The following MYO1E variants were observed in gnomAD, a reference collection of about 807,000 sequenced individuals.
MYO1E encodes the protein myosin IE.
A neutral mutation model predicts 151.1 loss-of-function variants in MYO1E; 68 were observed. That is an observed-to-expected ratio of 0.45 (90% CI 0.37 to 0.55). The LOEUF (loss-of-function observed/expected upper bound fraction) is 0.55, where lower values mean the gene tolerates loss of function less well. Among genes scored for constraint, MYO1E ranks in the 20% least tolerant of loss-of-function variants. MYO1E has a pLI of 0.00. For missense variants in MYO1E, 1,363 were observed against 1,389.3 expected, an observed-to-expected ratio of 0.98 and a Z score of 0.30; for synonymous variants, 601 against 501.7, an observed-to-expected ratio of 1.20 and a Z score of -2.64.
chr15:59,214,774 G>C, intron 10 of MYO1E, 54 bp from the exon 11 acceptor site: 1 of 1,391,810 alleles, frequency 7.2e-7, no homozygotes, highest in Non-Finnish European at 1.0e-6. Context: ...TACTAAAAAC[G>C]GGCATGCACT....
intron 27 of MYO1E, 136 bp downstream of exon 27, chr15:59,138,062 G>C: frequency 9.6e-7 from 1 of 1,040,218 alleles, no homozygotes; most frequent in Admixed American, 1.7e-5. Flanking sequence ...ATCAGACTGA[G>C]CCTGAGGCCT....
chr15:59,181,136 T>C (rs2079656141), intron 18 of MYO1E, among the ~76,000 whole-genome samples: 1 of 152,172 alleles, frequency 6.6e-6, no homozygotes, highest in Non-Finnish European at 1.5e-5. Flanking sequence ...CACCACTCCG[T>C]GCTTTCCTGG....
chr15:59,176,458 T>G (rs1490650831), intron 19 of MYO1E, among the ~76,000 whole-genome samples: 16 of 150,520 alleles, frequency 1.1e-4, no homozygotes, highest in Non-Finnish European at 4.4e-5. Context: ...CCTTTTTTTT[T>G]TTTTTTTCTT....
intron 16 of MYO1E, among the ~76,000 whole-genome samples, chr15:59,198,341 G>C (rs1384690316): frequency 6.6e-6 from 1 of 152,190 alleles, no homozygotes; most frequent in South Asian, 2.1e-4. Flanking sequence ...CAGGGTGAAA[G>C]CTCCTCATTC....
intron 22 of MYO1E, among the ~76,000 whole-genome samples, chr15:59,170,574 G>A (rs2079587026): frequency 6.6e-6 from 1 of 151,600 alleles, no homozygotes; most frequent in African/African-American, 2.4e-5. Flanking sequence ...AAATCAGTCA[G>A]CGCCTAGAGC....
chr15:59,279,998 TAATGGATGTGAAAGTCTTGCTAAG>T (rs2080343844), intron 1 of MYO1E, among the ~76,000 whole-genome samples: 1 of 152,176 alleles, frequency 6.6e-6, no homozygotes. Context: ...TCAAATAAGA[TAATGGATGTGAAAGTCTTGCTAAG>T]CAGAATGAAA....
chr15:59,372,527 C>A lies in MYO1E; in HGVS notation c.-27G>T. ...GTGACTCGCGCCGCGGTCGCGTCTT[C>A]GCCGGGTCCCGCTGCCGGGGAACTG... On this transcript the variant is annotated 5_prime_UTR_variant, in exon 1 of 28. Transcript: ENST00000288235. The A allele has an allele frequency of 2.0e-6, 3 of 1,535,318 alleles. No individual in the cohort carries two copies. The highest frequency in any genetic ancestry group is 2.6e-6 in the Non-Finnish European group (3 of 1,140,606).
intron 1 of MYO1E, among the ~76,000 whole-genome samples, chr15:59,293,182 T>C (rs1282047874): frequency 6.6e-6 from 1 of 152,196 alleles, no homozygotes; most frequent in Admixed American, 6.5e-5. Context: ...ATCTACCAGA[T>C]GGAAGGCACA....
chr15:59,287,979 T>C (rs1266527833), intron 1 of MYO1E, among the ~76,000 whole-genome samples: 1 of 152,216 alleles, frequency 6.6e-6, no homozygotes, highest in East Asian at 1.9e-4. Context: ...CAATCAACAA[T>C]GTGCAGCGAA....
At position 59,136,455 on chromosome 15, in the gene MYO1E, C is replaced by G. The variant is rs1315398573; in HGVS notation, c.*925G>C. ...AAGAGTTGAGAAGAGTCTGCAGGGA[C>G]TGACCTAGAAAGCAGTGACACTCCG... is the stretch of plus-strand genomic sequence containing the variant. On this transcript the variant is annotated 3_prime_UTR_variant, in exon 28 of 28. Transcript: ENST00000288235. The G allele has an allele frequency of 3.8e-6, 1 of 260,230 alleles. No individual in the cohort carries two copies. The highest frequency in any genetic ancestry group is 4.3e-5 in the Admixed American group (1 of 23,474). The allele number at this position is 260,230 out of a possible 1,614,324, so 16.1% of individuals were successfully genotyped here.
At chr15:59,163,394 A>G in intron 22 of MYO1E, 91 bp from the exon 23 acceptor site, 1 of 1,319,406 alleles carries the variant, frequency 7.6e-7, no homozygotes, top group Non-Finnish European at 1.1e-6. Flanking sequence ...AAATCCTGCA[A>G]GATAGTGCTA....
chr15:59,352,839 T>C (rs1596439333), intron 1 of MYO1E, among the ~76,000 whole-genome samples: 1 of 152,130 alleles, frequency 6.6e-6, no homozygotes, highest in South Asian at 2.1e-4. Context: ...AGCACAGAAC[T>C]CCCTCAGAAA....
chr15:59,276,200 G>C (rs1376928059), intron 1 of MYO1E, among the ~76,000 whole-genome samples: 1 of 152,168 alleles, frequency 6.6e-6, no homozygotes, highest in Non-Finnish European at 1.5e-5. Flanking sequence ...GGGCAGCAGA[G>C]ATGGTTCCTC....
intron 5 of MYO1E, 82 bp downstream of exon 5, chr15:59,236,503 G>T (rs1216821294): frequency 4.8e-6 from 6 of 1,246,832 alleles, no homozygotes; most frequent in Non-Finnish European, 7.0e-6. Flanking sequence ...TTCTGTGGAA[G>T]AAAAATTCTT....
intron 14 of MYO1E, among the ~76,000 whole-genome samples, chr15:59,205,906 A>G (rs1286718597): frequency 4.6e-5 from 7 of 152,200 alleles, no homozygotes; most frequent in African/African-American, 1.7e-4. Context: ...AATTCACTGC[A>G]ATGAGCCATG....
intron 1 of MYO1E, among the ~76,000 whole-genome samples, chr15:59,309,198 A>G (rs2080534768): frequency 6.6e-6 from 1 of 152,184 alleles, no homozygotes; most frequent in Admixed American, 6.5e-5. Context: ...ATTGTGTACT[A>G]TGCACTAGCT....
chr15:59,179,275 CTT>C (rs747889713), intron 18 of MYO1E, among the ~76,000 whole-genome samples: 1 of 152,126 alleles, frequency 6.6e-6, no homozygotes, highest in South Asian at 2.1e-4. Flanking sequence ...AAACTGCTCT[CTT>C]GTTAGTTTCT....
Position 59,137,374 on chromosome 15 carries a change from G to A in MYO1E, c.*6C>T, listed in dbSNP as rs1490384021. On this transcript the variant is annotated 3_prime_UTR_variant, in exon 28 of 28. Transcript: ENST00000288235. ...CTCTGCCCCATGTGTCAGAGTCACG[G>A]GCACCTCAGATCTTGGTCACATAGT... is the stretch of plus-strand genomic sequence containing the variant. 2 of 1,613,908 alleles carry A rather than the reference G, an allele frequency of 1.2e-6. No homozygotes were observed. The highest frequency in any genetic ancestry group is 2.2e-5 in the South Asian group (2 of 91,068).
intron 11 of MYO1E, 113 bp downstream of exon 11, chr15:59,214,527 T>C: frequency 9.1e-7 from 1 of 1,097,770 alleles, no homozygotes; most frequent in East Asian, 2.4e-5. Context: ...GTTTTTTTTG[T>C]TGTTGTGGTT....
Sources: allele counts gnomAD v4.1 joint callset (sites outside exome capture counted in the v4.1 genomes callset), GRCh38; gene constraint gnomAD v4.1.1; transcripts MANE v1.5; gene names NCBI Gene and HGNC (gene_info 2026-07-23, HGNC 2026-07-21).